L3MBTL4: variants seen among roughly 807,000 people sequenced by gnomAD.
L3MBTL4 encodes L3MBTL histone methyl-lysine binding protein 4, also known as lethal(3)malignant brain tumor-like protein 4.
A neutral mutation model predicts 84.5 loss-of-function variants in L3MBTL4; 70 were observed. The ratio of observed to expected loss-of-function variants is 0.83; its 90% confidence interval spans 0.68 to 1.01. The LOEUF is 1.01. Ranked by LOEUF, L3MBTL4 falls within the 50% of genes least tolerant of loss-of-function variation. The pLI is 0.00. For missense variants in L3MBTL4, 715 were observed against 754.8 expected, an observed-to-expected ratio of 0.95 and a Z score of 0.62; for synonymous variants, 274 against 259.8, an observed-to-expected ratio of 1.05 and a Z score of -0.52.
At chr18:6,401,337 G>T (rs573281155) in intron 1 of L3MBTL4, among the ~76,000 whole-genome samples, 6 of 152,116 alleles carry the variant, frequency 3.9e-5, no homozygotes, top group Non-Finnish European at 7.3e-5. Context: ...ATGTAATGCT[G>T]CAGACTCTGA....
intron 16 of L3MBTL4, among the ~76,000 whole-genome samples, chr18:6,065,937 A>C (rs2057383718): frequency 6.6e-6 from 1 of 151,828 alleles, no homozygotes; most frequent in Non-Finnish European, 1.5e-5. Flanking sequence ...TTTCTTGAGA[A>C]GTGATATTAG....
At chr18:6,392,541 ACT>A (rs201748771) in intron 1 of L3MBTL4, among the ~76,000 whole-genome samples, 1,559 of 152,178 alleles carry the variant, frequency 0.01, 25 homozygotes, top group African/African-American at 0.035. Context: ...AGAACGAGAG[ACT>A]CTGTCTCAAT....
At chr18:6,099,617 G>A (rs529065808) in intron 14 of L3MBTL4, among the ~76,000 whole-genome samples, 612 of 47,884 alleles carry the variant, frequency 0.013, 10 homozygotes, top group African/African-American at 0.026. Flanking sequence ...TGGAGAGAGA[G>A]AGAGGAGATT....
chr18:6,301,720 T>G (rs1387082120), intron 4 of L3MBTL4, among the ~76,000 whole-genome samples, 183 bp downstream of exon 4: 1 of 152,210 alleles, frequency 6.6e-6, no homozygotes, highest in Non-Finnish European at 1.5e-5. Context: ...TTGAAGCATA[T>G]ATTTGAAAAC....
Position 5,960,083 on chromosome 18 carries a change from G to C in L3MBTL4, c.1677+11C>G. ...ATACATATATATATATATAATTTTTGCATCTCTTACCTCTTTCTTAAAGCA... is the reference window on the plus strand; with the variant it reads ...ATACATATATATATATATAATTTTTCCATCTCTTACCTCTTTCTTAAAGCA... On this transcript the variant is annotated intron_variant, in intron 18 of 18. Transcript: ENST00000317931. 1.7e-6 allele frequency: 2 copies of C among 1,171,402 alleles called. No homozygotes were observed. The highest frequency in any genetic ancestry group is 2.7e-5 in the Admixed American group (1 of 37,188). The allele number at this position is 1,171,402 out of a possible 1,614,324, so 72.6% of individuals were successfully genotyped here. A position where few individuals can be genotyped will look rare whatever the true frequency, so the allele number is the denominator to read the frequency against.
intron 16 of L3MBTL4, among the ~76,000 whole-genome samples, chr18:5,999,739 T>C (rs1269557303): frequency 6.6e-6 from 1 of 152,210 alleles, no homozygotes; most frequent in Non-Finnish European, 1.5e-5. Flanking sequence ...CTAGAAGATA[T>C]GCAGGGGAAG....
At chr18:6,260,308 G>A (rs967401147) in intron 5 of L3MBTL4, 1 of 151,936 alleles carries the variant, frequency 6.6e-6, no homozygotes, top group African/African-American at 2.4e-5. Context: ...AGTTTTTTTG[G>A]TTCTGTGAAA....
At chr18:6,057,327 G>A (rs1180132625) in intron 16 of L3MBTL4, among the ~76,000 whole-genome samples, 1 of 152,156 alleles carries the variant, frequency 6.6e-6, no homozygotes, top group Non-Finnish European at 1.5e-5. Flanking sequence ...GGGCCATTGC[G>A]CCTGGCCAAA....
At chr18:6,273,888 G>C (rs1162607464) in intron 4 of L3MBTL4, among the ~76,000 whole-genome samples, 1 of 152,228 alleles carries the variant, frequency 6.6e-6, no homozygotes, top group Non-Finnish European at 1.5e-5. Context: ...TGACTCAACA[G>C]TTTATTCATC....
Position 5,956,079 on chromosome 18 carries a change from G to A in L3MBTL4, c.*141C>T. On this transcript the variant is annotated 3_prime_UTR_variant, in exon 19 of 19. Transcript: ENST00000317931. ...CCAGTCATCAAAATCCTCTAAACAT[G>A]TAAACAAATCACAGACACTTTAAAA... The A allele has an allele frequency of 1.3e-6, 1 of 757,690 alleles. No individual in the cohort carries two copies. Among genetic ancestry groups the A allele is most frequent in the Non-Finnish European group, 2.2e-6 (1 of 458,632 alleles). The allele number at this position is 757,690 out of a possible 1,614,324, so 46.9% of individuals were successfully genotyped here.
At chr18:6,290,407 A>C (rs1677986139) in intron 4 of L3MBTL4, among the ~76,000 whole-genome samples, 1 of 152,284 alleles carries the variant, frequency 6.6e-6, no homozygotes, top group African/African-American at 2.4e-5. Context: ...ACTAAGCTTT[A>C]AAAGAATTAA....
intron 1 of L3MBTL4, among the ~76,000 whole-genome samples, chr18:6,404,562 T>C (rs2055645888): frequency 6.6e-6 from 1 of 152,238 alleles, no homozygotes; most frequent in South Asian, 2.1e-4. Flanking sequence ...GCTAGTCCTG[T>C]GCTTTTATTT....
At chr18:6,249,748 A>G (rs192065612) in intron 5 of L3MBTL4, among the ~76,000 whole-genome samples, 331 of 152,340 alleles carry the variant, frequency 2.2e-3, no homozygotes, top group African/African-American at 7.7e-3. Flanking sequence ...TACTGTGCTT[A>G]TAAGATTATA....
chr18:6,154,760 T>A (rs1022500023), intron 13 of L3MBTL4, among the ~76,000 whole-genome samples: 1 of 152,186 alleles, frequency 6.6e-6, no homozygotes. Context: ...TTTGCATTAC[T>A]CGCTGAATTT....
chr18:6,287,441 T>G (rs1347426161), intron 4 of L3MBTL4, among the ~76,000 whole-genome samples: 1 of 152,190 alleles, frequency 6.6e-6, no homozygotes, highest in African/African-American at 2.4e-5. Context: ...AAATTTCTCC[T>G]CTTTCTCCTT....
At chr18:6,380,736 A>T (rs2054565083) in intron 1 of L3MBTL4, among the ~76,000 whole-genome samples, 1 of 152,186 alleles carries the variant, frequency 6.6e-6, no homozygotes, top group Admixed American at 6.5e-5. Context: ...TTTACTTCCA[A>T]TTATACGGTC....
At chr18:6,244,907 T>A (rs76869114) in intron 5 of L3MBTL4, among the ~76,000 whole-genome samples, 1 of 152,118 alleles carries the variant, frequency 6.6e-6, no homozygotes, top group Non-Finnish European at 1.5e-5. Flanking sequence ...TGATTATAAT[T>A]TGTCAAAAAC....
At position 6,271,908 on chromosome 18, in the gene L3MBTL4, C is replaced by T. The variant is rs1667690985; in HGVS notation, c.128-7870G>A. On this transcript the variant is annotated intron_variant, in intron 4 of 18. Coordinates refer to ENST00000317931, the MANE Select transcript of L3MBTL4 (RefSeq NM_001330559.2). The stretch of plus-strand genomic sequence containing the variant: ...TCTGACAGCCAGGGTGTCACCGGGA[C>T]CGCAGAGGCAGAGATTTCAGCAGAG... Among the ~76,000 whole-genome samples the T allele has an allele frequency of 2.6e-5, 4 of 152,130 alleles. No individual in the cohort carries two copies. In the South Asian group the frequency reaches 8.3e-4, roughly 32 times the overall value.
intron 1 of L3MBTL4, among the ~76,000 whole-genome samples, chr18:6,351,328 CG>C: frequency 6.6e-6 from 1 of 152,012 alleles, no homozygotes; most frequent in Non-Finnish European, 1.5e-5. Context: ...TTCATAAAGA[CG>C]GAAAGTAGAA....
Sources: allele counts gnomAD v4.1 joint callset (sites outside exome capture counted in the v4.1 genomes callset), GRCh38; gene constraint gnomAD v4.1.1; transcripts MANE v1.5; gene names NCBI Gene and HGNC (gene_info 2026-07-23, HGNC 2026-07-21).